CWH43: variants seen among roughly 807,000 people sequenced by gnomAD.
CWH43 encodes the protein PGAP2-interacting protein.
Under a neutral mutation model 85.7 loss-of-function variants are expected in CWH43, and 91 were observed. That is an observed-to-expected ratio of 1.06 (90% confidence interval 0.90 to 1.26). The LOEUF (loss-of-function observed/expected upper bound fraction) is 1.26. Ranked by LOEUF, CWH43 falls within the 50% of genes most tolerant of loss-of-function variation. The probability of loss-of-function intolerance (pLI) is 0.00; values close to 1 mark genes in which losing one functional copy is unlikely to be tolerated. For synonymous variants in CWH43, 323 were observed against 293.6 expected (o/e 1.10, Z -1.02); for missense variants, 869 against 839.2 (o/e 1.04, Z -0.44).
chr4:49,007,006 T>C, intron 7 of CWH43, 195 bp from the exon 8 acceptor site: 1 of 488,384 alleles, frequency 2.0e-6, no homozygotes, highest in Non-Finnish European at 3.3e-6. Context: ...TAAAGCACGA[T>C]TCCTAGAACC....
chr4:48,990,122 T>G (rs1782612631), intron 2 of CWH43, among the ~76,000 whole-genome samples: 1 of 152,210 alleles, frequency 6.6e-6, no homozygotes, highest in Admixed American at 6.5e-5. Context: ...AAGTCCATTT[T>G]TGGCCCAGTA....
intron 9 of CWH43, among the ~76,000 whole-genome samples, chr4:49,027,788 AT>A (rs964150808): frequency 3.3e-5 from 5 of 151,752 alleles, no homozygotes; most frequent in African/African-American, 7.3e-5. Flanking sequence ...TATTCTTCTG[AT>A]TTTTTTTGAC....
chr4:48,991,535 T>G lies in CWH43; in HGVS notation c.317T>G (p.Val106Gly), dbSNP rs775774409. ...CTTGGGGTGTCTTCCTCACTGATAG[T>G]GCAAGCTGTGACTTGGTGGTCAGGA... ...LALGVSSSLI[V>G]QAVTWWSGSH... is the part of the protein sequence containing the mutation. The change falls in exon 3 of 16, where the codon GTG becomes GGG. Residue 106 changes from valine to glycine, a missense_variant. By Grantham distance (109) the Val-to-Gly change is moderately radical. Around this residue, in one of 3 missense-constraint regions of CWH43, gnomAD observed 140 missense variants for 122.6 expected, o/e 1.14. Transcript: ENST00000226432. 2.2e-5 allele frequency: 36 copies of G among 1,613,962 alleles called. No individual in the cohort carries two copies. Among genetic ancestry groups the G allele is most frequent in the Non-Finnish European group, 1.7e-6 (2 of 1,179,978 alleles).
intron 15 of CWH43, 37 bp from the exon 16 acceptor site, chr4:49,061,775 A>G: frequency 7.8e-7 from 1 of 1,289,938 alleles, no homozygotes; most frequent in South Asian, 1.6e-5. Flanking sequence ...TGGTTTTTAC[A>G]TGCCAATAAC....
chr4:49,003,369 G>C (rs1330076982), intron 6 of CWH43, among the ~76,000 whole-genome samples: 1 of 152,090 alleles, frequency 6.6e-6, no homozygotes, highest in African/African-American at 2.4e-5. Flanking sequence ...CTAATGTCCT[G>C]CATCTGATTG....
Position 49,017,234 on chromosome 4 carries a change from C to G in CWH43, c.1187-15C>G. 6.3e-7 allele frequency: 1 copy of G among 1,594,086 alleles called. No homozygotes were observed. The highest frequency in any genetic ancestry group is 8.5e-7 in the Non-Finnish European group (1 of 1,170,980). On this transcript the variant is annotated splice_polypyrimidine_tract_variant and intron_variant, in intron 8 of 15. Transcript: ENST00000226432. ...TTATTTTAAAAAAACCCAATTATTT[C>G]TTTTTTCTGTTTAGTTCTGTGGCTG...
chr4:48,986,461 A>C lies in CWH43; in HGVS notation c.32A>C (p.Glu11Ala). MPSLWREILL[E>A]SLLGCVSWSL... ...TCGCTGTGGAGAGAAATCCTCTTGG[A>C]GTCGCTGCTGGGTAAGCCGAAGCCC... Residue 11 changes from glutamate to alanine, a missense_variant, in exon 1 of 16, where the codon GAG becomes GCG. This residue lies in a region of CWH43 where 140 missense variants were observed against 122.6 expected (regional missense o/e 1.14). Coordinates refer to ENST00000226432, the MANE Select transcript of CWH43 (RefSeq NM_025087.3). 1.9e-6 allele frequency: 3 copies of C among 1,550,136 alleles called. No homozygotes were observed. The highest frequency in any genetic ancestry group is 2.6e-6 in the Non-Finnish European group (3 of 1,143,940).
intron 15 of CWH43, among the ~76,000 whole-genome samples, chr4:49,051,556 G>A (rs189767262): frequency 7.9e-5 from 12 of 152,296 alleles, no homozygotes; most frequent in Admixed American, 7.2e-4. Flanking sequence ...TACATCACAT[G>A]TGAAAAATTC....
intron 8 of CWH43, among the ~76,000 whole-genome samples, chr4:49,011,175 A>G (rs1350704854): frequency 2.6e-5 from 4 of 152,132 alleles, no homozygotes; most frequent in Non-Finnish European, 4.4e-5. Context: ...TTAGGTGCAT[A>G]TATATTTAGG....
chr4:49,010,674 T>G (rs1051951737), intron 8 of CWH43, among the ~76,000 whole-genome samples: 2 of 152,256 alleles, frequency 1.3e-5, no homozygotes, highest in African/African-American at 4.8e-5. Context: ...TTGTACATTG[T>G]GTCTTTGTTC....
At chr4:49,057,920 C>T (rs1226014195) in intron 15 of CWH43, among the ~76,000 whole-genome samples, 1 of 152,150 alleles carries the variant, frequency 6.6e-6, no homozygotes, top group African/African-American at 2.4e-5. Context: ...CTAAGTAGAG[C>T]CATCCCACAT....
chr4:49,020,450 C>T (rs542965602), intron 9 of CWH43, among the ~76,000 whole-genome samples: 1 of 137,680 alleles, frequency 7.3e-6, no homozygotes, highest in South Asian at 2.3e-4. Context: ...TCTTTATCCA[C>T]TTGTTGATTG....
chr4:49,018,375 A>G (rs1392951885), intron 9 of CWH43, among the ~76,000 whole-genome samples: 1 of 152,152 alleles, frequency 6.6e-6, no homozygotes, highest in African/African-American at 2.4e-5. Context: ...GATTCAAACC[A>G]TGTCACTATG....
chr4:49,010,740 A>G (rs1783330717), intron 8 of CWH43, among the ~76,000 whole-genome samples: 1 of 152,182 alleles, frequency 6.6e-6, no homozygotes, highest in Non-Finnish European at 1.5e-5. Flanking sequence ...TTTACCCAGT[A>G]GTCATTCAGG....
chr4:49,046,632 A>G (rs778248261), intron 14 of CWH43, among the ~76,000 whole-genome samples: 7 of 151,990 alleles, frequency 4.6e-5, no homozygotes, highest in Non-Finnish European at 8.8e-5. Flanking sequence ...CCTCAAGTGG[A>G]AGGAGGGACC....
intron 13 of CWH43, among the ~76,000 whole-genome samples, chr4:49,043,424 A>G (rs1182694940): frequency 6.6e-6 from 1 of 152,226 alleles, no homozygotes; most frequent in Non-Finnish European, 1.5e-5. Flanking sequence ...AGGGATGTAC[A>G]TGGTATTAAG....
At chr4:48,989,299 G>A (rs1782583711) in intron 2 of CWH43, among the ~76,000 whole-genome samples, 2 of 152,182 alleles carry the variant, frequency 1.3e-5, no homozygotes, top group African/African-American at 2.4e-5. Flanking sequence ...TTGACAAGTA[G>A]ATTGGCAAAG....
At chr4:49,045,669 A>G (rs1414171113) in intron 14 of CWH43, among the ~76,000 whole-genome samples, 4 of 152,188 alleles carry the variant, frequency 2.6e-5, no homozygotes, top group East Asian at 1.9e-4. Context: ...AGTATGCACT[A>G]TGATGTCCAC....
intron 15 of CWH43, among the ~76,000 whole-genome samples, chr4:49,055,786 C>T (rs1411096056): frequency 8.6e-5 from 13 of 152,030 alleles, no homozygotes; most frequent in South Asian, 2.1e-4. Context: ...GATAGGGTTT[C>T]GCCATGTTGG....
Sources: gnomAD v4.1 joint callset for allele counts (sites outside exome capture counted in the v4.1 genomes callset) on GRCh38, gnomAD v4.1.1 for gene constraint, gnomAD v4.1.1 regional missense constraint, MANE v1.5 for transcripts, NCBI Gene and HGNC (gene_info 2026-07-23, HGNC 2026-07-21) for gene names.